MLLT10: variants seen among roughly 807,000 people sequenced by gnomAD.
The protein encoded by MLLT10 is protein AF-10.
A neutral mutation model predicts 129.1 loss-of-function variants in MLLT10; 30 were observed. The observed-to-expected ratio is 0.23, with a 90% CI of 0.17 to 0.32. The LOEUF is 0.32. Ranked by LOEUF, MLLT10 falls within the 10% of genes least tolerant of loss-of-function variation. The pLI is 1.00. For synonymous variants in MLLT10, 490 were observed against 446.4 expected (o/e 1.10, Z -1.23); for missense variants, 1,119 against 1,268.3 (o/e 0.88, Z 1.79).
intron 3 of MLLT10, among the ~76,000 whole-genome samples, chr10:21,563,591 A>G (rs2039136047): frequency 6.6e-6 from 1 of 152,026 alleles, no homozygotes; most frequent in South Asian, 2.1e-4. Flanking sequence ...TTCCTTGGAG[A>G]TTCCTCCAGG....
chr10:21,632,892 C>A (rs893673468), intron 8 of MLLT10, among the ~76,000 whole-genome samples: 1 of 152,056 alleles, frequency 6.6e-6, no homozygotes, highest in Non-Finnish European at 1.5e-5. Context: ...TAAACTATGA[C>A]ACAGCAGTAT....
intron 8 of MLLT10, among the ~76,000 whole-genome samples, chr10:21,647,514 T>C (rs1228165888): frequency 6.6e-5 from 10 of 152,148 alleles, no homozygotes; most frequent in Non-Finnish European, 7.4e-5. Context: ...TAAGTGTTCT[T>C]TATATGTTTA....
chr10:21,688,541 A>G (rs765026205), intron 13 of MLLT10: 1 of 1,611,350 alleles, frequency 6.2e-7, no homozygotes, highest in African/African-American at 1.3e-5. Flanking sequence ...ATTCATAGGT[A>G]TGTACCAAAC....
At position 21,740,175 on chromosome 10, in the gene MLLT10, A is replaced by C; in HGVS notation, c.3101A>C (p.His1034Pro). ...GCAGGTACACAGGCACCCCCACTTC[A>C]CACAGCTACCACCAACCCATTTCTC... ...LLAGTQAPPL[H>P]TATTNPFLTI... The change falls in exon 22 of 23, where the codon CAC (histidine) becomes CCC (proline). Residue 1034 changes from histidine (H) to proline (P), a missense_variant. His to Pro is a moderately conservative substitution (Grantham distance 77). This residue lies in a region of MLLT10 where 1,004 missense variants were observed against 1,008.7 expected (regional missense o/e 1.00). Coordinates refer to ENST00000307729, the MANE Select transcript of MLLT10 (RefSeq NM_001195626.3). 6.2e-7 allele frequency: 1 copy of C among 1,614,170 alleles called. No individual in the cohort carries two copies. Among genetic ancestry groups the C allele is most frequent in the Non-Finnish European group, 8.5e-7 (1 of 1,180,048 alleles).
intron 3 of MLLT10, among the ~76,000 whole-genome samples, chr10:21,584,277 C>T (rs2041775850): frequency 6.6e-6 from 1 of 151,868 alleles, no homozygotes; most frequent in African/African-American, 2.4e-5. Flanking sequence ...GATTCTCCTG[C>T]CTCAGCCTCC....
At chr10:21,581,138 C>T (rs1276408226) in intron 3 of MLLT10, among the ~76,000 whole-genome samples, 7 of 150,640 alleles carry the variant, frequency 4.6e-5, no homozygotes, top group East Asian at 2.0e-4. Context: ...CTCTGCTTCC[C>T]GGGTTCACAC....
intron 10 of MLLT10, among the ~76,000 whole-genome samples, chr10:21,672,207 G>A (rs866172996): frequency 4.7e-5 from 7 of 150,318 alleles, no homozygotes; most frequent in African/African-American, 1.5e-4. Context: ...GTGTGTGTGT[G>A]TGTATTTTGA....
intron 13 of MLLT10, among the ~76,000 whole-genome samples, chr10:21,711,706 C>T (rs565672162): frequency 3.9e-5 from 6 of 152,176 alleles, no homozygotes; most frequent in South Asian, 4.1e-4. Flanking sequence ...GATTGCACCA[C>T]GGCACTCCAG....
intron 13 of MLLT10, among the ~76,000 whole-genome samples, chr10:21,710,193 A>G: frequency 6.6e-6 from 1 of 152,158 alleles, no homozygotes; most frequent in East Asian, 1.9e-4. Flanking sequence ...TCATGCTGAG[A>G]ACTTTCCCTG....
chr10:21,678,090 G>A (rs1564632210), intron 11 of MLLT10, among the ~76,000 whole-genome samples: 1 of 151,944 alleles, frequency 6.6e-6, no homozygotes, highest in Non-Finnish European at 1.5e-5. Flanking sequence ...TACTTTATTT[G>A]TAAAGCTTTT....
intron 13 of MLLT10, among the ~76,000 whole-genome samples, chr10:21,713,230 C>G (rs2056265004): frequency 6.6e-6 from 1 of 152,216 alleles, no homozygotes; most frequent in South Asian, 2.1e-4. Context: ...AATCTACCAA[C>G]ATTCTTTATT....
At chr10:21,593,184 T>C (rs2042680557) in intron 4 of MLLT10, among the ~76,000 whole-genome samples, 1 of 151,702 alleles carries the variant, frequency 6.6e-6, no homozygotes, top group Non-Finnish European at 1.5e-5. Flanking sequence ...AACCTTCAAC[T>C]CTTGGGCTTA....
chr10:21,680,130 T>G (rs1304183291), intron 11 of MLLT10, among the ~76,000 whole-genome samples: 1 of 152,154 alleles, frequency 6.6e-6, no homozygotes, highest in East Asian at 1.9e-4. Context: ...CTGCACCCTC[T>G]GCTTGTTCTT....
chr10:21,703,576 G>A lies in MLLT10; in HGVS notation c.1700-10196G>A, dbSNP rs557065581. Among the ~76,000 whole-genome samples, 4 of 151,930 alleles carry A rather than the reference G, an allele frequency of 2.6e-5. 1 individual carries two copies. The highest frequency in any genetic ancestry group is 2.6e-4 in the Admixed American group (4 of 15,268). ...TTCTTTTTTTTTGAGACAGAGTCTC[G>A]CTTTGTCACCCAGGCTGGAGTGCAG... On this transcript the variant is annotated intron_variant, in intron 13 of 22. Transcript: ENST00000307729.
intron 21 of MLLT10, among the ~76,000 whole-genome samples, chr10:21,736,390 T>C (rs969854730): frequency 6.6e-6 from 1 of 152,206 alleles, no homozygotes; most frequent in Non-Finnish European, 1.5e-5. Context: ...GCTCAAGTGA[T>C]CCTCCTGCCT....
chr10:21,689,641 TTATA>T (rs1184223344), intron 13 of MLLT10, among the ~76,000 whole-genome samples: 29 of 131,970 alleles, frequency 2.2e-4, no homozygotes, highest in Non-Finnish European at 3.4e-4. Flanking sequence ...ACACACACAT[TTATA>T]TATATATATA....
chr10:21,538,398 G>A (rs2034476711), intron 2 of MLLT10, among the ~76,000 whole-genome samples: 1 of 151,942 alleles, frequency 6.6e-6, no homozygotes, highest in African/African-American at 2.4e-5. Flanking sequence ...CCCAACCTCA[G>A]GTGATCCGCC....
At chr10:21,545,147 GA>G (rs932518910) in intron 3 of MLLT10, among the ~76,000 whole-genome samples, 18 of 144,888 alleles carry the variant, frequency 1.2e-4, no homozygotes, top group East Asian at 8.0e-4. Flanking sequence ...CTCCATCTCA[GA>G]AAAAAAAAAG....
chr10:21,705,179 C>T (rs2055377147), intron 13 of MLLT10, among the ~76,000 whole-genome samples: 1 of 152,178 alleles, frequency 6.6e-6, no homozygotes, highest in Non-Finnish European at 1.5e-5. Flanking sequence ...AGGAAGAGTG[C>T]ACTTGTATTG....
Sources: allele counts gnomAD v4.1 joint callset (sites outside exome capture counted in the v4.1 genomes callset), GRCh38; gene constraint gnomAD v4.1.1; regional missense constraint gnomAD v4.1.1; transcripts MANE v1.5; gene names NCBI Gene and HGNC (gene_info 2026-07-23, HGNC 2026-07-21).